Variants in RAB5C observed in about 807,000 individuals in gnomAD.
RAB5C encodes the protein ras-related protein Rab-5C.
Under a neutral mutation model 25.2 loss-of-function variants are expected in RAB5C, and 4 were observed. The observed-to-expected ratio is 0.16, with a 90% CI of 0.08 to 0.36. The LOEUF (loss-of-function observed/expected upper bound fraction) is 0.36. RAB5C is among the 10% of genes least tolerant of loss of function. RAB5C has a pLI of 1.00. For synonymous variants in RAB5C, 100 were observed against 106.4 expected, an observed-to-expected ratio of 0.94 and a Z score of 0.37; for missense variants, 199 against 283.8, an observed-to-expected ratio of 0.70 and a Z score of 2.15.
chr17:42,125,411 G>C lies in RAB5C; in HGVS notation c.*372C>G, dbSNP rs2054408286. The C allele has an allele frequency of 5.7e-6, 1 of 174,762 alleles. No homozygotes were observed. Among genetic ancestry groups the C allele is most frequent in the Non-Finnish European group, 1.2e-5 (1 of 82,026 alleles). 10.8% of individuals were successfully genotyped at this position (174,762 alleles called of 1,614,324 possible). The stretch of plus-strand genomic sequence containing the variant: ...CTCTTGCTGGGTCCGCTGTTCCGCA[G>C]GAGGGAAAGAAAGGGTAGCTGCACT... On this transcript the variant is annotated 3_prime_UTR_variant, in exon 6 of 6. Transcript: ENST00000346213.
chr17:42,129,513 C>A (rs564239989), intron 2 of RAB5C, among the ~76,000 whole-genome samples: 2 of 152,344 alleles, frequency 1.3e-5, no homozygotes, highest in African/African-American at 4.8e-5. Context: ...AGAGCTGGGA[C>A]AGACAGCAAA....
At chr17:42,150,649 T>C (rs2079664953) in intron 1 of RAB5C, among the ~76,000 whole-genome samples, 1 of 146,848 alleles carries the variant, frequency 6.8e-6, no homozygotes, top group Admixed American at 6.9e-5. Context: ...TCACCTCACC[T>C]GAGGTCAGGA....
At position 42,128,336 on chromosome 17, in the gene RAB5C, C is replaced by G. The variant is rs1358400552; in HGVS notation, c.366G>C (p.Gln122His). The G allele has an allele frequency of 6.2e-7, 1 of 1,614,072 alleles. No individual in the cohort carries two copies. The highest frequency in any genetic ancestry group is 8.5e-7 in the Non-Finnish European group (1 of 1,180,024). ...AKNWVKELQR[Q>H]ASPNIVIALA... ...GTGCAATGACGATGTTGGGGCTGGC[C>G]TGCCTCTGTAGCTCCTTCACCCAGT... is the stretch of plus-strand genomic sequence containing the variant. The change falls in exon 4 of 6, where the codon CAG (glutamine) becomes CAC (histidine). Residue 122 changes from glutamine to histidine, a missense_variant. Gln to His is a conservative substitution (Grantham distance 24). Around this residue, in one of 3 missense-constraint regions of RAB5C, gnomAD observed 154 missense variants for 199.6 expected, o/e 0.77. Transcript: ENST00000346213.
chr17:42,130,524 C>G lies in RAB5C; in HGVS notation c.-22G>C. ...CCATTGCCCGTCCAGCTGTAGTGGT[C>G]CAGAGAGCGTGCGGGTGGGGACTGG... On this transcript the variant is annotated 5_prime_UTR_variant, in exon 2 of 6. Transcript: ENST00000346213. The G allele has an allele frequency of 6.2e-7, 1 of 1,613,522 alleles. No homozygotes were observed. The highest frequency in any genetic ancestry group is 8.5e-7 in the Non-Finnish European group (1 of 1,179,862).
At position 42,125,656 on chromosome 17, in the gene RAB5C, A is replaced by T. The variant is rs539166398; in HGVS notation, c.*127T>A. On this transcript the variant is annotated 3_prime_UTR_variant, in exon 6 of 6. Transcript: ENST00000346213. ...CCTATGATCAAAATTATATGGAGAAATCATGGTGGACCCCTCCCCCTGCCC... is the reference window on the plus strand; with the variant it reads ...CCTATGATCAAAATTATATGGAGAATTCATGGTGGACCCCTCCCCCTGCCC... 5 of 634,014 alleles carry T rather than the reference A, an allele frequency of 7.9e-6. No individual in the cohort carries two copies. In the Admixed American group the frequency reaches 1.3e-4, roughly 17 times the overall value. 39.3% of individuals were successfully genotyped at this position (634,014 alleles called of 1,614,324 possible). A position where few individuals can be genotyped will look rare whatever the true frequency, so the allele number is the denominator to read the frequency against.
In RAB5C at chr17:42,141,237, T is replaced by C. The variant is rs998784372; in HGVS notation, c.-88-10647A>G. Among the ~76,000 whole-genome samples, 4 of 152,210 alleles carry C rather than the reference T, an allele frequency of 2.6e-5. No homozygotes were observed. In the South Asian group the frequency reaches 8.3e-4, roughly 31 times the overall value. On this transcript the variant is annotated intron_variant, in intron 1 of 5. Coordinates refer to ENST00000346213, the MANE Select transcript of RAB5C (RefSeq NM_004583.4). ...TGAGCGAATCACACTTCTGCTTCCA[T>C]GGCCCCAAATGTTCATAAGACTAGT...
intron 1 of RAB5C, among the ~76,000 whole-genome samples, chr17:42,146,308 G>A (rs7225608): frequency 0.39 from 58,971 of 152,116 alleles, 16,003 homozygotes; most frequent in African/African-American, 0.78. Context: ...TGTAAAATAC[G>A]TACTAACATA....
intron 1 of RAB5C, among the ~76,000 whole-genome samples, chr17:42,151,371 A>G (rs2079670224): frequency 6.6e-6 from 1 of 151,934 alleles, no homozygotes. Flanking sequence ...CGGGAGGCGG[A>G]GCTTGCAGTG....
Position 42,130,365 on chromosome 17 carries a change from A to G in RAB5C, c.138T>C (p.Phe46=), listed in dbSNP as rs377110602. The G allele has an allele frequency of 1.7e-5, 28 of 1,612,998 alleles. No individual in the cohort carries two copies. The African/African-American group carries it at 3.2e-4, about 18-fold the overall frequency. ...SLVLRFVKGQ[F]HEYQESTIGA... ...CAATTGTGCTCTCCTGGTACTCGTG[A>G]AACTGTCCCTTGACAAAGCGGAGGA... The change falls in exon 2 of 6, where the codon TTT becomes TTC. Residue 46 remains phenylalanine, a synonymous_variant. Coordinates refer to ENST00000346213, the MANE Select transcript of RAB5C (RefSeq NM_004583.4).
At chr17:42,140,140 A>T (rs1387271115) in intron 1 of RAB5C, among the ~76,000 whole-genome samples, 1 of 152,156 alleles carries the variant, frequency 6.6e-6, no homozygotes, top group Non-Finnish European at 1.5e-5. Context: ...ACCTCTGCTG[A>T]AAGTCAGGAT....
At chr17:42,140,515 A>ATT (rs10553272) in intron 1 of RAB5C, among the ~76,000 whole-genome samples, 3 of 26,656 alleles carry the variant, frequency 1.1e-4, no homozygotes, top group Non-Finnish European at 2.0e-4. Context: ...ATATATATAT[A>ATT]TTTTTTTTTT....
intron 2 of RAB5C, 158 bp downstream of exon 2, chr17:42,130,179 T>C (rs1329178097): frequency 3.0e-6 from 3 of 1,005,836 alleles, no homozygotes; most frequent in East Asian, 2.7e-5. Flanking sequence ...TGGAGACCAG[T>C]TGCTGGGCTC....
chr17:42,136,071 T>C (rs1277537016), intron 1 of RAB5C, among the ~76,000 whole-genome samples: 1 of 151,664 alleles, frequency 6.6e-6, no homozygotes, highest in Non-Finnish European at 1.5e-5. Context: ...TAAACAAGAG[T>C]CCAGCAAAAC....
chr17:42,142,685 C>A (rs1420103132), intron 1 of RAB5C, among the ~76,000 whole-genome samples: 1 of 152,188 alleles, frequency 6.6e-6, no homozygotes, highest in East Asian at 1.9e-4. Context: ...TAAACCAACT[C>A]CTGTTAAGAT....
Position 42,125,717 on chromosome 17 carries a change from T to G in RAB5C, c.*66A>C. 4.2e-6 allele frequency: 5 copies of G among 1,180,104 alleles called. No individual in the cohort carries two copies. The highest frequency in any genetic ancestry group is 6.1e-6 in the Non-Finnish European group (5 of 820,714). 73.1% of individuals were successfully genotyped at this position (1,180,104 alleles called of 1,614,324 possible). A position where few individuals can be genotyped will look rare whatever the true frequency, so the allele number is the denominator to read the frequency against. ...GGCCCGAGTCGTTAAGTGCGATTGG[T>G]TAGAGTGGATTCCAGTCGGGTCATT... On this transcript the variant is annotated 3_prime_UTR_variant, in exon 6 of 6. Coordinates refer to ENST00000346213, the MANE Select transcript of RAB5C (RefSeq NM_004583.4).
chr17:42,126,698 A>G, intron 5 of RAB5C, 57 bp downstream of exon 5: 1 of 1,103,910 alleles, frequency 9.1e-7, no homozygotes, highest in Non-Finnish European at 1.4e-6. Flanking sequence ...CTAGACCAGC[A>G]GACAGGTGAT....
chr17:42,153,862 T>C (rs1460045753), intron 1 of RAB5C, among the ~76,000 whole-genome samples: 1 of 152,194 alleles, frequency 6.6e-6, no homozygotes, highest in Admixed American at 6.5e-5. Context: ...AATCCAGAAC[T>C]GCCATTGTGA....
chr17:42,154,793 G>A (rs922847880), intron 1 of RAB5C, 100 bp downstream of exon 1: 2 of 152,360 alleles, frequency 1.3e-5, no homozygotes, highest in Non-Finnish European at 2.9e-5. Flanking sequence ...TCGGGGGAGG[G>A]GTCAGTATCC....
rs2054402163 is a variant in RAB5C, at chr17:42,125,029, T to C, written c.*754A>G. 6.5e-6 allele frequency: 1 copy of C among 152,762 alleles called. No individual in the cohort carries two copies. The highest frequency in any genetic ancestry group is 1.5e-5 in the Non-Finnish European group (1 of 68,028). 9.5% of individuals were successfully genotyped at this position (152,762 alleles called of 1,614,324 possible). ...ATTGACAAGATACTGATTGGTTACA[T>C]GTTGAAGAAAACATACAATACAAAA... On this transcript the variant is annotated 3_prime_UTR_variant, in exon 6 of 6. Coordinates refer to ENST00000346213, the MANE Select transcript of RAB5C (RefSeq NM_004583.4).
Sources: allele counts gnomAD v4.1 joint callset (sites outside exome capture counted in the v4.1 genomes callset), GRCh38; gene constraint gnomAD v4.1.1; regional missense constraint gnomAD v4.1.1; transcripts MANE v1.5; gene names NCBI Gene and HGNC (gene_info 2026-07-23, HGNC 2026-07-21).